Variants in PRIM2 observed in about 807,000 individuals in gnomAD.
PRIM2 encodes the protein DNA primase large subunit.
Under a neutral mutation model 67.3 loss-of-function variants are expected in PRIM2, and 39 were observed. That is an observed-to-expected ratio of 0.58 (90% CI 0.45 to 0.76). The LOEUF is 0.76. Among genes scored for constraint, PRIM2 ranks in the 30% least tolerant of loss-of-function variants. The pLI, the probability that PRIM2 is intolerant of heterozygous loss-of-function variation, is 0.00. For synonymous variants in PRIM2, 143 were observed against 198.7 expected (o/e 0.72, Z 2.36); for missense variants, 398 against 598.7 (o/e 0.66, Z 3.50).
At chr6:57,607,069 T>C (rs1400864944) in intron 12 of PRIM2, among the ~76,000 whole-genome samples, 42 of 152,210 alleles carry the variant, frequency 2.8e-4, no homozygotes, top group South Asian at 8.3e-4. Flanking sequence ...TTTTCTATAG[T>C]GTGCTTTCAA....
In PRIM2 at chr6:57,603,631, T is replaced by C. The variant is rs1437274840; in HGVS notation, c.1147+2412T>C. Among the ~76,000 whole-genome samples the C allele has an allele frequency of 7.9e-5, 12 of 152,158 alleles. No individual in the cohort carries two copies. The East Asian group carries it at 2.3e-3, about 29-fold the overall frequency. ...AGGTAGAGTGATGCCTCTGGCTTTG[T>C]TCCTTTTGCTTAGGATTGCTTTGGT... is the stretch of plus-strand genomic sequence containing the variant. On this transcript the variant is annotated intron_variant, in intron 11 of 13. Transcript: ENST00000615550.
intron 13 of PRIM2, among the ~76,000 whole-genome samples, chr6:57,640,858 C>A (rs1464133825): frequency 6.6e-6 from 1 of 151,824 alleles, no homozygotes; most frequent in Non-Finnish European, 1.5e-5. Flanking sequence ...TGACTTTCTG[C>A]GCAGAATTAG....
chr6:57,529,258 G>C (rs1186580889), intron 8 of PRIM2, among the ~76,000 whole-genome samples: 3 of 151,762 alleles, frequency 2.0e-5, no homozygotes, highest in Admixed American at 6.6e-5. Context: ...TGCAGTGAGC[G>C]GAGATCGCCC....
intron 7 of PRIM2, among the ~76,000 whole-genome samples, chr6:57,430,746 T>C (rs1358618127): frequency 1.3e-5 from 2 of 152,064 alleles, no homozygotes; most frequent in African/African-American, 4.8e-5. Context: ...CAGGTGTCAG[T>C]CACTGTGCCC....
intron 10 of PRIM2, among the ~76,000 whole-genome samples, chr6:57,571,762 G>A (rs1194065940): frequency 6.6e-6 from 1 of 150,992 alleles, no homozygotes. Flanking sequence ...TATTTCTGAG[G>A]GTTCCAGCAA....
At chr6:57,328,613 C>T (rs28367021) in intron 5 of PRIM2, among the ~76,000 whole-genome samples, 19,561 of 152,172 alleles carry the variant, frequency 0.13, 1,404 homozygotes, top group African/African-American at 0.18. Context: ...TTATGAATAA[C>T]GCTACAGTGA....
the PRIM2 span, among the ~76,000 whole-genome samples, chr6:57,286,762 T>C: frequency 1.3e-5 from 2 of 152,066 alleles, no homozygotes; most frequent in Non-Finnish European, 2.9e-5. Flanking sequence ...AAAAATGGGA[T>C]CTAAATAAAC....
At chr6:57,485,760 C>T (rs1773739242) in intron 7 of PRIM2, among the ~76,000 whole-genome samples, 1 of 152,124 alleles carries the variant, frequency 6.6e-6, no homozygotes, top group Non-Finnish European at 1.5e-5. Context: ...GGACATTTTC[C>T]TTACATACAA....
At chr6:57,551,670 GA>G (rs1309641677) in intron 10 of PRIM2, among the ~76,000 whole-genome samples, 62 of 142,150 alleles carry the variant, frequency 4.4e-4, no homozygotes, top group South Asian at 1.1e-3. Flanking sequence ...GAACAATATA[GA>G]AAAAAAAAAA....
chr6:57,528,909 T>G (rs1204723020), intron 8 of PRIM2, among the ~76,000 whole-genome samples: 1 of 152,226 alleles, frequency 6.6e-6, no homozygotes, highest in Non-Finnish European at 1.5e-5. Flanking sequence ...TCCCCAGTAT[T>G]TCTGTTAATT....
At chr6:57,305,904 T>C in the PRIM2 span, among the ~76,000 whole-genome samples, 23 of 152,276 alleles carry the variant, frequency 1.5e-4, no homozygotes, top group Middle Eastern at 3.4e-3. Context: ...ATAAAATAAG[T>C]TCTGCCAAAA....
chr6:57,376,621 T>G (rs1769774585), intron 5 of PRIM2, among the ~76,000 whole-genome samples: 2 of 152,264 alleles, frequency 1.3e-5, no homozygotes, highest in African/African-American at 4.8e-5. Flanking sequence ...TGGGATTGTA[T>G]TGAATCTATA....
At chr6:57,480,224 A>G (rs1376572255) in intron 7 of PRIM2, among the ~76,000 whole-genome samples, 1 of 152,174 alleles carries the variant, frequency 6.6e-6, no homozygotes, top group Non-Finnish European at 1.5e-5. Context: ...TTAATTTAGT[A>G]AGCAGTGGAA....
upstream of PRIM2, among the ~76,000 whole-genome samples, chr6:57,316,733 C>G (rs759929480): frequency 2.6e-5 from 4 of 152,236 alleles, no homozygotes; most frequent in Non-Finnish European, 5.9e-5. Flanking sequence ...ATCTTACAGA[C>G]AGCGGAGAAC....
chr6:57,493,192 G>C (rs1344282213), intron 7 of PRIM2, among the ~76,000 whole-genome samples: 1 of 152,116 alleles, frequency 6.6e-6, no homozygotes, highest in Non-Finnish European at 1.5e-5. Flanking sequence ...CTTCATTCTT[G>C]CCTTGCATAG....
intron 7 of PRIM2, among the ~76,000 whole-genome samples, chr6:57,430,408 T>C (rs1163074374): frequency 6.6e-6 from 1 of 151,862 alleles, no homozygotes; most frequent in African/African-American, 2.4e-5. Context: ...AAAGTAATTT[T>C]GTATGTAATG....
the PRIM2 span, among the ~76,000 whole-genome samples, chr6:57,275,620 G>A: frequency 6.6e-6 from 1 of 152,202 alleles, no homozygotes; most frequent in South Asian, 2.1e-4. Flanking sequence ...GGACAATTTC[G>A]TGTCATCTTT....
At chr6:57,453,159 A>T (rs1398715778) in intron 7 of PRIM2, among the ~76,000 whole-genome samples, 1 of 152,210 alleles carries the variant, frequency 6.6e-6, no homozygotes, top group South Asian at 2.1e-4. Flanking sequence ...CTGTTTTGAT[A>T]CAAATACCAT....
intron 10 of PRIM2, among the ~76,000 whole-genome samples, chr6:57,597,663 C>A (rs1278864854): frequency 2.0e-5 from 3 of 152,040 alleles, no homozygotes; most frequent in Non-Finnish European, 4.4e-5. Context: ...AATGGACAAG[C>A]TGGGGATTCT....
Sources: allele counts gnomAD v4.1 joint callset (sites outside exome capture counted in the v4.1 genomes callset), GRCh38; gene constraint gnomAD v4.1.1; transcripts MANE v1.5; gene names NCBI Gene and HGNC (gene_info 2026-07-23, HGNC 2026-07-21).